Variants in CYP2C19 observed in about 807,000 individuals in gnomAD.
CYP2C19 encodes the protein cytochrome P450 2C19.
In CYP2C19, 59 loss-of-function variants were observed where a neutral mutation model predicts 40.9. That is an observed-to-expected ratio of 1.44 (90% CI 1.17 to 1.79). CYP2C19 has a LOEUF of 1.79. Ranked by LOEUF, CYP2C19 falls within the 40% of genes most tolerant of loss-of-function variation. The pLI, the probability that CYP2C19 is intolerant of heterozygous loss-of-function variation, is 0.00. For missense variants in CYP2C19, 754 were observed against 596.9 expected (o/e 1.26, Z -2.74); for synonymous variants, 253 against 208.7 (o/e 1.21, Z -1.83).
chr10:94,827,017 C>T (rs1336489930), intron 6 of CYP2C19, among the ~76,000 whole-genome samples: 38 of 152,082 alleles, frequency 2.5e-4, no homozygotes, highest in South Asian at 1.2e-3. Flanking sequence ...GAAGCCCACT[C>T]GATCATGGTG....
At chr10:94,766,046 C>G (rs917462033) in intron 1 of CYP2C19, among the ~76,000 whole-genome samples, 2 of 152,106 alleles carry the variant, frequency 1.3e-5, no homozygotes, top group Admixed American at 1.3e-4. Flanking sequence ...ATTCTTGGTC[C>G]TATCAGAGAT....
At chr10:94,828,409 A>T (rs553893448) in intron 6 of CYP2C19, among the ~76,000 whole-genome samples, 2 of 150,402 alleles carry the variant, frequency 1.3e-5, no homozygotes, top group East Asian at 3.9e-4. Flanking sequence ...TCCCTTTACC[A>T]TTATGTAATG....
intron 5 of CYP2C19, among the ~76,000 whole-genome samples, chr10:94,791,783 C>T (rs1353116273): frequency 2.6e-5 from 4 of 152,038 alleles, no homozygotes; most frequent in African/African-American, 9.7e-5. Context: ...GCTTTACTTC[C>T]AGCTATGTGG....
chr10:94,840,633 G>C (rs985704855), intron 6 of CYP2C19, among the ~76,000 whole-genome samples: 1 of 152,198 alleles, frequency 6.6e-6, no homozygotes, highest in Non-Finnish European at 1.5e-5. Context: ...GGGTCAGAAG[G>C]AAAGGTAGGG....
At position 94,790,961 on chromosome 10, in the gene CYP2C19, CCT is replaced by C. The variant is rs1848597752; in HGVS notation, c.819+8967_819+8968del. Among the ~76,000 whole-genome samples, 4 of 152,150 alleles carry C rather than the reference CCT, an allele frequency of 2.6e-5. No homozygotes were observed. The South Asian group carries it at 8.3e-4, about 32-fold the overall frequency. ...GGAATGGCACCAGTTCCTCTTTGTA[CCT>C]CTGGTGGAATTCAGCTGTGAATCCC... is the stretch of plus-strand genomic sequence containing the variant. On this transcript the variant is annotated intron_variant, in intron 5 of 8. Coordinates refer to ENST00000371321, the MANE Select transcript of CYP2C19 (RefSeq NM_000769.4).
intron 5 of CYP2C19, among the ~76,000 whole-genome samples, chr10:94,818,840 G>A (rs1423489282): frequency 1.3e-5 from 2 of 151,478 alleles, no homozygotes; most frequent in African/African-American, 2.4e-5. Context: ...CTGCAAACAG[G>A]GACAATTTGA....
intron 6 of CYP2C19, among the ~76,000 whole-genome samples, chr10:94,825,845 G>A (rs1275397393): frequency 2.0e-5 from 3 of 149,168 alleles, no homozygotes; most frequent in Admixed American, 1.3e-4. Context: ...TAAGGTGTAA[G>A]GAAGGGATCC....
intron 6 of CYP2C19, among the ~76,000 whole-genome samples, chr10:94,835,759 A>C (rs1268744743): frequency 6.6e-6 from 1 of 152,058 alleles, no homozygotes; most frequent in Admixed American, 6.6e-5. Flanking sequence ...AGGTAAGCAT[A>C]CTTAGATCTG....
chr10:94,818,049 C>T (rs1589366058), intron 5 of CYP2C19, among the ~76,000 whole-genome samples: 1 of 147,314 alleles, frequency 6.8e-6, no homozygotes, highest in Non-Finnish European at 1.5e-5. Context: ...TTTAATCCAT[C>T]TTGAATTGAT....
chr10:94,825,064 C>T (rs1252494563), intron 6 of CYP2C19, among the ~76,000 whole-genome samples: 1 of 114,570 alleles, frequency 8.7e-6, no homozygotes, highest in Non-Finnish European at 1.8e-5. Context: ...CATTGTTGGA[C>T]ATTTGGGTTG....
intron 1 of CYP2C19, among the ~76,000 whole-genome samples, chr10:94,769,760 G>C (rs527330211): frequency 4.6e-5 from 7 of 152,262 alleles, no homozygotes; most frequent in African/African-American, 1.7e-4. Flanking sequence ...CTTTTAGCCT[G>C]ATTTGGACTG....
chr10:94,822,035 G>T (rs10748625), intron 6 of CYP2C19, among the ~76,000 whole-genome samples: 150,208 of 152,240 alleles, frequency 0.99, 74,131 homozygotes, highest in East Asian at 1. Flanking sequence ...AGTGAGAACA[G>T]GTGGTATTTG....
At chr10:94,811,679 A>G (rs529949330) in intron 5 of CYP2C19, among the ~76,000 whole-genome samples, 363 of 152,082 alleles carry the variant, frequency 2.4e-3, no homozygotes, top group Non-Finnish European at 4.6e-3. Flanking sequence ...AGTGTGTTTT[A>G]TCAGAGACTA....
At chr10:94,795,926 A>C (rs1031762418) in intron 5 of CYP2C19, among the ~76,000 whole-genome samples, 2 of 152,032 alleles carry the variant, frequency 1.3e-5, no homozygotes, top group Admixed American at 1.3e-4. Context: ...AGATTGCAAA[A>C]ATTTTCTCCC....
At chr10:94,802,469 A>G (rs866966210) in intron 5 of CYP2C19, among the ~76,000 whole-genome samples, 14 of 152,154 alleles carry the variant, frequency 9.2e-5, no homozygotes, top group African/African-American at 3.4e-4. Context: ...TTTTGAGCCT[A>G]TGGGTGTCTC....
At chr10:94,838,728 G>A (rs1849444309) in intron 6 of CYP2C19, among the ~76,000 whole-genome samples, 2 of 151,988 alleles carry the variant, frequency 1.3e-5, no homozygotes, top group East Asian at 1.9e-4. Flanking sequence ...CTTCCTGTAG[G>A]GCATAAATCA....
rs1031294281 is a variant in CYP2C19 at position 94,852,862 on chromosome 10, A to T, written c.1421A>T (p.Asn474Ile). The change falls in exon 9 of 9, where the codon AAT becomes ATT. Residue 474 changes from asparagine (N) to isoleucine (I), a missense_variant. Transcript: ENST00000371321. ...GACCTTGACACAACTCCTGTTGTCAATGGATTTGCTTCTGTCCCGCCCTTC... is the reference window on the plus strand; with the variant it reads ...GACCTTGACACAACTCCTGTTGTCATTGGATTTGCTTCTGTCCCGCCCTTC... ...PKDLDTTPVV[N>I]GFASVPPFYQ... The T allele has an allele frequency of 6.2e-7, 1 of 1,614,066 alleles. No homozygotes were observed. The highest frequency in any genetic ancestry group is 8.5e-7 in the Non-Finnish European group (1 of 1,179,976).
chr10:94,769,192 AG>A (rs2134231931), intron 1 of CYP2C19, among the ~76,000 whole-genome samples: 1 of 152,234 alleles, frequency 6.6e-6, no homozygotes, highest in South Asian at 2.1e-4. Flanking sequence ...TTAGCTACAA[AG>A]TTCAAGAGAT....
At chr10:94,790,825 A>T (rs1049751227) in intron 5 of CYP2C19, among the ~76,000 whole-genome samples, 1 of 152,122 alleles carries the variant, frequency 6.6e-6, no homozygotes, top group African/African-American at 2.4e-5. Context: ...TTGGTCTAAA[A>T]TTCTCTTTTT....
Sources: gnomAD v4.1 joint callset for allele counts (sites outside exome capture counted in the v4.1 genomes callset) on GRCh38, gnomAD v4.1.1 for gene constraint, MANE v1.5 for transcripts, NCBI Gene and HGNC (gene_info 2026-07-23, HGNC 2026-07-21) for gene names.